CSMD1: variants seen among roughly 807,000 people sequenced by gnomAD.
The protein encoded by CSMD1 is CUB and Sushi multiple domains 1, also known as CUB and sushi domain-containing protein 1.
In CSMD1, 213 loss-of-function variants were observed where a neutral mutation model predicts 417.5. The observed-to-expected ratio is 0.51, with a 90% confidence interval of 0.46 to 0.57. The LOEUF is 0.57. Among genes scored for constraint, CSMD1 ranks in the 20% least tolerant of loss-of-function variants. The pLI, the probability that CSMD1 is intolerant of heterozygous loss-of-function variation, is 0.00. For missense variants in CSMD1, 6,923 were observed against 4,529.7 expected, an observed-to-expected ratio of 1.53 and a Z score of -15.17; for synonymous variants, 2,862 against 1,736.8, an observed-to-expected ratio of 1.65 and a Z score of -16.11.
intron 40 of CSMD1, among the ~76,000 whole-genome samples, chr8:3,146,040 A>G (rs1034549876): frequency 1.3e-5 from 2 of 152,240 alleles, no homozygotes; most frequent in African/African-American, 4.8e-5. Context: ...TGTGTGTAAT[A>G]AAATATAGCA....
At chr8:4,422,627 G>C (rs1263609685) in intron 2 of CSMD1, among the ~76,000 whole-genome samples, 1 of 151,972 alleles carries the variant, frequency 6.6e-6, no homozygotes, top group Non-Finnish European at 1.5e-5. Flanking sequence ...CCAGAACTGT[G>C]AAAAAATAAA....
At chr8:3,597,260 C>T (rs540577341) in intron 8 of CSMD1, among the ~76,000 whole-genome samples, 11 of 152,222 alleles carry the variant, frequency 7.2e-5, no homozygotes, top group Admixed American at 7.2e-4. Context: ...TCTAGAGGCA[C>T]CGGTGAGACA....
intron 6 of CSMD1, among the ~76,000 whole-genome samples, chr8:3,723,781 G>T (rs1479988801): frequency 6.6e-6 from 1 of 152,118 alleles, no homozygotes; most frequent in Non-Finnish European, 1.5e-5. Flanking sequence ...GATGCATAAA[G>T]TGAACCCATG....
chr8:4,187,275 G>A (rs987929690), intron 3 of CSMD1, among the ~76,000 whole-genome samples: 2 of 152,166 alleles, frequency 1.3e-5, no homozygotes, highest in African/African-American at 4.8e-5. Context: ...GACTTTTAGG[G>A]AATACTGATG....
Position 3,189,133 on chromosome 8 carries a change from T to C in CSMD1, c.5399-122A>G, listed in dbSNP as rs576766916. 1.2e-5 allele frequency: 10 copies of C among 863,896 alleles called. No homozygotes were observed. The East Asian group carries it at 2.8e-4, about 24-fold the overall frequency. 53.5% of individuals were successfully genotyped at this position (863,896 alleles called of 1,614,324 possible). On this transcript the variant is annotated intron_variant, in intron 34 of 69. Transcript: ENST00000635120. Reference sequence around the variant, plus strand: ...AAAATGTACATGAACAATGATACGTTAAACGGCACTTTTAGCCAAGGTAAA... The same window carrying C: ...AAAATGTACATGAACAATGATACGTCAAACGGCACTTTTAGCCAAGGTAAA...
intron 2 of CSMD1, among the ~76,000 whole-genome samples, chr8:4,583,307 C>T (rs895727200): frequency 6.6e-6 from 1 of 152,192 alleles, no homozygotes; most frequent in East Asian, 1.9e-4. Context: ...TCTGGTGGGG[C>T]CTTGGAGAAC....
intron 2 of CSMD1, among the ~76,000 whole-genome samples, chr8:4,525,972 T>C (rs1796493665): frequency 6.6e-6 from 1 of 152,128 alleles, no homozygotes; most frequent in Admixed American, 6.5e-5. Flanking sequence ...GAACGCTGCC[T>C]TTGCCCGTTG....
intron 7 of CSMD1, among the ~76,000 whole-genome samples, chr8:3,691,963 C>T (rs984105989): frequency 6.6e-6 from 1 of 152,160 alleles, no homozygotes; most frequent in African/African-American, 2.4e-5. Context: ...CATTTCACTC[C>T]CCTGAATGAC....
chr8:2,980,839 C>T (rs1357591614), intron 54 of CSMD1, among the ~76,000 whole-genome samples: 2 of 152,194 alleles, frequency 1.3e-5, no homozygotes, highest in Non-Finnish European at 2.9e-5. Flanking sequence ...AAATGCTAAG[C>T]CCTAAGTTCC....
intron 4 of CSMD1, among the ~76,000 whole-genome samples, chr8:4,005,520 T>C (rs979452162): frequency 1.4e-4 from 21 of 152,218 alleles, no homozygotes; most frequent in Admixed American, 2.6e-4. Context: ...TACACTTGCC[T>C]TTCTCAACGA....
chr8:3,033,435 C>T (rs1009746910), intron 50 of CSMD1, among the ~76,000 whole-genome samples: 4 of 152,034 alleles, frequency 2.6e-5, no homozygotes, highest in African/African-American at 9.7e-5. Context: ...TTGTGGACTT[C>T]AGACCTCAAG....
Position 3,931,409 on chromosome 8 carries a change from G to A in CSMD1, c.818+66494C>T, listed in dbSNP as rs923664406. 5.3e-5 allele frequency among the ~76,000 whole-genome samples: 8 copies of A among 150,314 alleles called. 1 individual carries two copies. Among genetic ancestry groups the A allele is most frequent in the Admixed American group, 2.0e-4 (3 of 15,110 alleles). ...TCACATTCATTCTTTTACCCATTCT[G>A]GGTATTGTGGAAAAAAAAATCTTTC... On this transcript the variant is annotated intron_variant, in intron 5 of 69. Coordinates refer to ENST00000635120, the MANE Select transcript of CSMD1 (RefSeq NM_033225.6).
chr8:4,138,835 T>A (rs537079697), intron 3 of CSMD1, among the ~76,000 whole-genome samples: 8 of 152,160 alleles, frequency 5.3e-5, no homozygotes, highest in African/African-American at 1.9e-4. Context: ...GCAAATTCTA[T>A]AGAGAATAAA....
chr8:3,961,857 C>T (rs1311365110), intron 5 of CSMD1, among the ~76,000 whole-genome samples: 2 of 152,122 alleles, frequency 1.3e-5, no homozygotes, highest in Non-Finnish European at 2.9e-5. Flanking sequence ...GAAGAGATGT[C>T]CCTTTAGTCC....
chr8:3,142,272 G>A (rs181175663), intron 41 of CSMD1, among the ~76,000 whole-genome samples, 193 bp downstream of exon 41: 4 of 152,288 alleles, frequency 2.6e-5, no homozygotes. Flanking sequence ...CCCACTGGTG[G>A]TTCCGTCTGT....
At chr8:4,769,846 T>C (rs984766554) in intron 1 of CSMD1, among the ~76,000 whole-genome samples, 1 of 152,182 alleles carries the variant, frequency 6.6e-6, no homozygotes, top group Non-Finnish European at 1.5e-5. Flanking sequence ...TATTATGTTC[T>C]CTTAAAGAAT....
At chr8:3,245,383 T>C (rs1351552429) in intron 26 of CSMD1, among the ~76,000 whole-genome samples, 1 of 152,204 alleles carries the variant, frequency 6.6e-6, no homozygotes, top group African/African-American at 2.4e-5. Context: ...CTGCAGGAGA[T>C]AAAGGACCAG....
chr8:3,968,004 T>TAAAAAAAAAAAAAAAAAA (rs11330461), intron 5 of CSMD1, among the ~76,000 whole-genome samples: 5 of 98,916 alleles, frequency 5.1e-5, no homozygotes, highest in Non-Finnish European at 5.6e-5. Context: ...CGTCACTGCT[T>TAAAAAAAAAAAAAAAAAA]AAAAAAAAAA....
chr8:3,968,703 G>A (rs189930136), intron 5 of CSMD1, among the ~76,000 whole-genome samples: 1 of 152,096 alleles, frequency 6.6e-6, no homozygotes, highest in East Asian at 1.9e-4. Context: ...TCTTACTACA[G>A]GGTCTGTGTA....
Sources: allele counts gnomAD v4.1 joint callset (sites outside exome capture counted in the v4.1 genomes callset), GRCh38; gene constraint gnomAD v4.1.1; transcripts MANE v1.5; gene names NCBI Gene and HGNC (gene_info 2026-07-23, HGNC 2026-07-21).